The following LRP1B variants were observed in gnomAD, a reference collection of about 807,000 sequenced individuals.
The protein encoded by LRP1B is LDL receptor related protein 1B.
LRP1B carries 217 observed loss-of-function variants against 556.6 expected under a neutral mutation model. The ratio of observed to expected loss-of-function variants is 0.39; its 90% CI spans 0.35 to 0.44. LRP1B has a LOEUF of 0.44. Ranked by LOEUF, LRP1B falls within the 20% of genes least tolerant of loss-of-function variation. The pLI is 1.00. For synonymous variants in LRP1B, 2,047 were observed against 1,865.8 expected, an observed-to-expected ratio of 1.10 and a Z score of -2.50; for missense variants, 5,053 against 5,620.8, an observed-to-expected ratio of 0.90 and a Z score of 3.23.
intron 81 of LRP1B, among the ~76,000 whole-genome samples, chr2:140,322,377 G>A (rs74915341): frequency 0.023 from 3,494 of 151,952 alleles, 52 homozygotes; most frequent in Non-Finnish European, 0.023. Context: ...ATTGCTTTTG[G>A]CATAAGAGTT....
At chr2:142,032,619 C>A (rs1703746740) in intron 1 of LRP1B, among the ~76,000 whole-genome samples, 1 of 151,816 alleles carries the variant, frequency 6.6e-6, no homozygotes, top group South Asian at 2.1e-4. Context: ...CTTTAGGAGC[C>A]TCTCTCTGTC....
intron 18 of LRP1B, among the ~76,000 whole-genome samples, chr2:140,955,873 C>T (rs1338171962): frequency 6.6e-6 from 1 of 151,624 alleles, no homozygotes; most frequent in African/African-American, 2.4e-5. Flanking sequence ...CCTTATTCCT[C>T]CTCCTTGCCC....
chr2:140,575,930 A>T (rs568907860), intron 43 of LRP1B, among the ~76,000 whole-genome samples: 1 of 147,842 alleles, frequency 6.8e-6, no homozygotes, highest in East Asian at 2.1e-4. Context: ...CAAAAAAACA[A>T]AAAACAAAAA....
chr2:141,369,345 GA>G (rs1433902005), intron 3 of LRP1B, among the ~76,000 whole-genome samples: 1 of 152,024 alleles, frequency 6.6e-6, no homozygotes, highest in Non-Finnish European at 1.5e-5. Context: ...ATAGGTGAAA[GA>G]ATTTTTAAGA....
At chr2:141,764,913 GTTTGT>G (rs1388042333) in intron 2 of LRP1B, among the ~76,000 whole-genome samples, 2 of 152,014 alleles carry the variant, frequency 1.3e-5, no homozygotes, top group African/African-American at 4.8e-5. Context: ...TTCCCATACT[GTTTGT>G]TTTATCTATA....
At chr2:140,846,706 A>G (rs1430940675) in intron 29 of LRP1B, among the ~76,000 whole-genome samples, 2 of 152,126 alleles carry the variant, frequency 1.3e-5, no homozygotes, top group African/African-American at 4.8e-5. Context: ...GTCTCTCAAG[A>G]AGAAGCCCAA....
Position 141,658,273 on chromosome 2 carries a change from T to A in LRP1B, c.205+152006A>T, listed in dbSNP as rs116006688. On this transcript the variant is annotated intron_variant, in intron 2 of 90. Transcript: ENST00000389484. ...AGACAATAATAAACTGGTACAGGAATTGTATCTGACAGCATTTCAACATTA... is the reference window on the plus strand; with the variant it reads ...AGACAATAATAAACTGGTACAGGAAATGTATCTGACAGCATTTCAACATTA... Among the ~76,000 whole-genome samples the A allele has an allele frequency of 1.4e-3, 210 of 152,356 alleles. 1 individual carries two copies. The highest frequency in any genetic ancestry group is 4.9e-3 in the African/African-American group (202 of 41,586).
At chr2:140,771,313 G>A (rs1689303908) in intron 33 of LRP1B, among the ~76,000 whole-genome samples, 1 of 152,010 alleles carries the variant, frequency 6.6e-6, no homozygotes, top group Non-Finnish European at 1.5e-5. Context: ...AGAGAAACCA[G>A]CATCTTTTTC....
chr2:141,488,742 G>GC (rs924047816), intron 2 of LRP1B, among the ~76,000 whole-genome samples: 2 of 151,970 alleles, frequency 1.3e-5, no homozygotes, highest in African/African-American at 4.8e-5. Context: ...ACAAGCATGA[G>GC]CCCCCATACC....
At chr2:141,651,880 T>G (rs569832853) in intron 2 of LRP1B, among the ~76,000 whole-genome samples, 6 of 152,318 alleles carry the variant, frequency 3.9e-5, no homozygotes, top group African/African-American at 1.4e-4. Context: ...TTAAACATTT[T>G]AAATATATTT....
rs763800279 is a variant in LRP1B at position 141,058,970 on chromosome 2, G to A, written c.1321C>T (p.Arg441Ter). 6.9e-6 allele frequency: 11 copies of A among 1,596,430 alleles called. No individual in the cohort carries two copies. Among genetic ancestry groups the A allele is most frequent in the African/African-American group, 1.3e-5 (1 of 74,106 alleles). The change falls in exon 9 of 91, where the codon CGA becomes TGA. Residue 441 changes from arginine to a stop codon, truncating the protein, a stop_gained. Transcript: ENST00000389484. LOFTEE classifies it high-confidence loss of function. ...GAGTGAATATCAGTCCCATTAAATC[G>A]GTTTATCCTTACGATATTGTAGTTA... ...SDNYNIVRIN[R>*]FNGTDIHSLI...
At chr2:142,060,532 T>C (rs1411585733) in intron 1 of LRP1B, among the ~76,000 whole-genome samples, 1 of 152,016 alleles carries the variant, frequency 6.6e-6, no homozygotes, top group East Asian at 1.9e-4. Context: ...CTGGTATAGG[T>C]TGGATTTATT....
intron 2 of LRP1B, among the ~76,000 whole-genome samples, chr2:141,493,053 A>G (rs893310080): frequency 6.6e-6 from 1 of 152,144 alleles, no homozygotes; most frequent in Non-Finnish European, 1.5e-5. Flanking sequence ...GTGAGCACAT[A>G]ATGTCCATTA....
At chr2:141,057,612 G>T (rs1464228964) in intron 9 of LRP1B, among the ~76,000 whole-genome samples, 2 of 151,732 alleles carry the variant, frequency 1.3e-5, no homozygotes, top group Non-Finnish European at 2.9e-5. Flanking sequence ...GTTTTAAAAA[G>T]GGGGGTTTTC....
chr2:140,663,375 T>C (rs1208442252), intron 41 of LRP1B, among the ~76,000 whole-genome samples: 1 of 152,184 alleles, frequency 6.6e-6, no homozygotes, highest in Non-Finnish European at 1.5e-5. Context: ...ATATCTGATA[T>C]AAACAGAAGT....
intron 14 of LRP1B, among the ~76,000 whole-genome samples, chr2:141,008,497 A>C (rs1372396897): frequency 6.6e-6 from 1 of 151,580 alleles, no homozygotes; most frequent in Non-Finnish European, 1.5e-5. Flanking sequence ...ATTTATATAT[A>C]AAATAAAATT....
At chr2:141,852,920 G>GACCCATTT in intron 1 of LRP1B, among the ~76,000 whole-genome samples, 1 of 151,144 alleles carries the variant, frequency 6.6e-6, no homozygotes, top group Non-Finnish European at 1.5e-5. Flanking sequence ...AAAAAACTTT[G>GACCCATTT]GAGGCCAGAA....
chr2:141,365,584 T>C lies in LRP1B; in HGVS notation c.344-110943A>G, dbSNP rs937373518. 1.1e-4 allele frequency among the ~76,000 whole-genome samples: 16 copies of C among 151,758 alleles called. 1 individual carries two copies. Among genetic ancestry groups the C allele is most frequent in the Admixed American group, 8.5e-4 (13 of 15,228 alleles). The stretch of plus-strand genomic sequence containing the variant: ...TACATTTACCTTTTATAGCTTCATA[T>C]GTAAACCCATGTAATATAAACCAGT... On this transcript the variant is annotated intron_variant, in intron 3 of 90. Coordinates refer to ENST00000389484, the MANE Select transcript of LRP1B (RefSeq NM_018557.3).
chr2:141,293,202 G>C (rs1390460694), intron 3 of LRP1B, among the ~76,000 whole-genome samples: 2 of 152,158 alleles, frequency 1.3e-5, no homozygotes, highest in Non-Finnish European at 1.5e-5. Context: ...AGAAACAGCT[G>C]TAAATTCACA....
Sources: gnomAD v4.1 joint callset for allele counts (sites outside exome capture counted in the v4.1 genomes callset) on GRCh38, gnomAD v4.1.1 for gene constraint, MANE v1.5 for transcripts, NCBI Gene and HGNC (gene_info 2026-07-23, HGNC 2026-07-21) for gene names.